ABCC12: variants seen among roughly 807,000 people sequenced by gnomAD.
ABCC12 encodes the protein ATP binding cassette subfamily C member 12.
Under a neutral mutation model 151.1 loss-of-function variants are expected in ABCC12, and 142 were observed. That is an observed-to-expected ratio of 0.94 (90% confidence interval 0.82 to 1.08). ABCC12 has a LOEUF of 1.08. ABCC12 is among the 50% of genes least tolerant of loss of function. The pLI, the probability that ABCC12 is intolerant of heterozygous loss-of-function variation, is 0.00. For synonymous variants in ABCC12, 645 were observed against 646.4 expected (o/e 1.00, Z 0.03); for missense variants, 1,638 against 1,691.1 (o/e 0.97, Z 0.55).
At position 48,133,783 on chromosome 16, in the gene ABCC12, A is replaced by C. The variant is rs1192761105; in HGVS notation, c.1032T>G (p.Ser344Arg). 2 of 1,613,994 alleles carry C rather than the reference A, an allele frequency of 1.2e-6. No homozygotes were observed. Among genetic ancestry groups the C allele is most frequent in the Admixed American group, 3.3e-5 (2 of 59,992 alleles). Residue 344 changes from serine to arginine, a missense_variant, in exon 9 of 31, where the codon AGT becomes AGG. Transcript: ENST00000311303. ...CGATGGGGGCCAGGGCAGAGTTTCC[A>C]CTTTGGACAAATCCAGCTTTTTCCA... ...KLLEKAGFVQ[S>R]GNSALAPIVS...
intron 2 of ABCC12, among the ~76,000 whole-genome samples, chr16:48,152,468 C>T (rs747702679): frequency 2.6e-5 from 4 of 152,192 alleles, no homozygotes; most frequent in African/African-American, 4.8e-5. Flanking sequence ...CAACAACCTA[C>T]GACCTCCCAG....
At chr16:48,089,580 T>C (rs1962792547) in intron 25 of ABCC12, among the ~76,000 whole-genome samples, 1 of 152,232 alleles carries the variant, frequency 6.6e-6, no homozygotes, top group Non-Finnish European at 1.5e-5. Flanking sequence ...GGATCCCGTG[T>C]GCCCCATCAG....
intron 28 of ABCC12, chr16:48,086,394 G>A: frequency 4.5e-6 from 1 of 223,642 alleles, no homozygotes; most frequent in Non-Finnish European, 9.0e-6. Context: ...AGACAGGCTT[G>A]AGTTCAAGTC....
At chr16:48,127,976 G>A (rs965765777) in intron 11 of ABCC12, among the ~76,000 whole-genome samples, 2 of 151,990 alleles carry the variant, frequency 1.3e-5, no homozygotes, top group African/African-American at 4.8e-5. Flanking sequence ...AAAATTATCC[G>A]GGCATGGTGA....
At chr16:48,151,459 TG>T (rs1965116571) in intron 2 of ABCC12, among the ~76,000 whole-genome samples, 1 of 152,170 alleles carries the variant, frequency 6.6e-6, no homozygotes, top group African/African-American at 2.4e-5. Context: ...CAAAAAAGGA[TG>T]TTAGATAAAA....
chr16:48,095,712 A>G (rs923881507), intron 24 of ABCC12, among the ~76,000 whole-genome samples: 1 of 152,136 alleles, frequency 6.6e-6, no homozygotes, highest in African/African-American at 2.4e-5. Context: ...GTAAGAAAAA[A>G]AAAAAGAAAG....
chr16:48,118,214 A>G (rs1963954519), intron 13 of ABCC12, among the ~76,000 whole-genome samples: 1 of 152,194 alleles, frequency 6.6e-6, no homozygotes, highest in African/African-American at 2.4e-5. Flanking sequence ...TCTGGCACCG[A>G]GGAACCTAGG....
At chr16:48,126,398 T>C (rs1252883873) in intron 11 of ABCC12, among the ~76,000 whole-genome samples, 1 of 152,164 alleles carries the variant, frequency 6.6e-6, no homozygotes, top group Non-Finnish European at 1.5e-5. Flanking sequence ...GGCTTCGGGA[T>C]AACGACATAA....
chr16:48,131,004 T>C, intron 9 of ABCC12, 109 bp from the exon 10 acceptor site: 2 of 737,588 alleles, frequency 2.7e-6, no homozygotes, highest in Non-Finnish European at 4.6e-6. Context: ...GGTGGCATCG[T>C]TGGAATGTGC....
At position 48,115,756 on chromosome 16, in the gene ABCC12, C is replaced by G. The variant is rs907738525; in HGVS notation, c.1786-138G>C. 110 of 874,068 alleles carry G rather than the reference C, an allele frequency of 1.3e-4. 1 individual carries two copies. In the African/African-American group the frequency reaches 1.7e-3, roughly 14 times the overall value. The allele number at this position is 874,068 out of a possible 1,614,324, so 54.1% of individuals were successfully genotyped here. Reference sequence around the variant, plus strand: ...TCGCCATATCCAAGTTCCTCCGCCCCTTACAGGGCCCCCGGTCACACGAGA... The same window carrying G: ...TCGCCATATCCAAGTTCCTCCGCCCGTTACAGGGCCCCCGGTCACACGAGA... On this transcript the variant is annotated intron_variant, in intron 14 of 30. Coordinates refer to ENST00000311303, the MANE Select transcript of ABCC12 (RefSeq NM_001393797.1).
At chr16:48,113,215 G>A (rs1207255086) in intron 15 of ABCC12, among the ~76,000 whole-genome samples, 3 of 152,194 alleles carry the variant, frequency 2.0e-5, no homozygotes, top group African/African-American at 7.2e-5. Context: ...AGTTGGGAGG[G>A]TGCCCAAAGG....
At chr16:48,098,819 G>C (rs539587986) in intron 23 of ABCC12, among the ~76,000 whole-genome samples, 1 of 152,252 alleles carries the variant, frequency 6.6e-6, no homozygotes, top group Non-Finnish European at 1.5e-5. Flanking sequence ...ACCCCCATCA[G>C]TCATTCTTGG....
rs1962319347 is a variant in ABCC12 at position 48,080,971 on chromosome 16, G to A, written c.*2744C>T. On this transcript the variant is annotated 3_prime_UTR_variant, in exon 31 of 31. Transcript: ENST00000311303. The stretch of plus-strand genomic sequence containing the variant: ...TGCCAACAGATTTGGTGTTGAGTGA[G>A]GGCCCATTCCTCACAGATGATGCCT... 6.6e-6 allele frequency among the ~76,000 whole-genome samples: 1 copy of A among 152,170 alleles called. No homozygotes were observed. The highest frequency in any genetic ancestry group is 6.5e-5 in the Admixed American group (1 of 15,282).
chr16:48,083,637 G>A lies in ABCC12; in HGVS notation c.*78C>T, dbSNP rs1278286700. 9 of 1,462,578 alleles carry A rather than the reference G, an allele frequency of 6.2e-6. No individual in the cohort carries two copies. Among genetic ancestry groups the A allele is most frequent in the South Asian group, 1.2e-5 (1 of 85,180 alleles). The allele number at this position is 1,462,578 out of a possible 1,614,324, so 90.6% of individuals were successfully genotyped here. A position where few individuals can be genotyped will look rare whatever the true frequency, so the allele number is the denominator to read the frequency against. On this transcript the variant is annotated 3_prime_UTR_variant, in exon 31 of 31. Coordinates refer to ENST00000311303, the MANE Select transcript of ABCC12 (RefSeq NM_001393797.1). ...GAAGACCAGGGCTGCCTGCGGAGAG[G>A]ACAGCCCCTCCTCCTGAAGACTCCT...
At chr16:48,139,417 A>T in intron 6 of ABCC12, 81 bp from the exon 7 acceptor site, 13 of 1,400,064 alleles carry the variant, frequency 9.3e-6, no homozygotes, top group African/African-American at 2.9e-5. Flanking sequence ...AGATTGGCCG[A>T]GGGGATCTAG....
rs1294525447 is a variant in ABCC12 at position 48,153,741 on chromosome 16, C to T, written c.-176G>A. The T allele has an allele frequency of 6.6e-6, 1 of 152,180 alleles. No homozygotes were observed. Among genetic ancestry groups the T allele is most frequent in the Non-Finnish European group, 1.5e-5 (1 of 68,044 alleles). The allele number at this position is 152,180 out of a possible 1,614,324, so 9.4% of individuals were successfully genotyped here. A position where few individuals can be genotyped will look rare whatever the true frequency, so the allele number is the denominator to read the frequency against. The stretch of plus-strand genomic sequence containing the variant: ...ACACTGGAGGCCAGGCCTCCCTGGC[C>T]AGGTTTGAGTAATCAGCGCGCATAG... On this transcript the variant is annotated 5_prime_UTR_variant, in exon 2 of 31. Transcript: ENST00000311303.
At chr16:48,141,139 G>T (rs1964795288) in intron 5 of ABCC12, 67 bp downstream of exon 5, 1 of 1,584,798 alleles carries the variant, frequency 6.3e-7, no homozygotes, top group East Asian at 2.3e-5. Context: ...CGTAGAGAAA[G>T]TAACTAATGA....
chr16:48,105,607 G>C (rs1963465613), intron 20 of ABCC12, among the ~76,000 whole-genome samples: 1 of 152,226 alleles, frequency 6.6e-6, no homozygotes, highest in Non-Finnish European at 1.5e-5. Context: ...ATGGGCACTG[G>C]GCAGACATCC....
intron 18 of ABCC12, among the ~76,000 whole-genome samples, chr16:48,108,995 T>G (rs541279138): frequency 7.9e-5 from 12 of 152,202 alleles, no homozygotes; most frequent in African/African-American, 2.9e-4. Context: ...ATGAGAGGGA[T>G]CTGGGATTTT....
Sources: gnomAD v4.1 joint callset for allele counts (sites outside exome capture counted in the v4.1 genomes callset) on GRCh38, gnomAD v4.1.1 for gene constraint, MANE v1.5 for transcripts, NCBI Gene and HGNC (gene_info 2026-07-23, HGNC 2026-07-21) for gene names.